LAMA5: variants seen among roughly 807,000 people sequenced by gnomAD.
The protein encoded by LAMA5 is laminin subunit alpha 5.
In LAMA5, 260 loss-of-function variants were observed where a neutral mutation model predicts 433.4. The ratio of observed to expected loss-of-function variants is 0.60; its 90% confidence interval spans 0.54 to 0.66. The LOEUF (loss-of-function observed/expected upper bound fraction) is 0.66, where lower values mean the gene tolerates loss of function less well. Among genes scored for constraint, LAMA5 ranks in the 30% least tolerant of loss-of-function variants. The pLI is 0.00. For missense variants in LAMA5, 5,378 were observed against 5,258.5 expected (o/e 1.02, Z -0.70); for synonymous variants, 2,620 against 2,226.6 (o/e 1.18, Z -4.97).
intron 32 of LAMA5, among the ~76,000 whole-genome samples, 188 bp from the exon 33 acceptor site, chr20:62,329,441 CG>C (rs1215241767): frequency 7.2e-5 from 11 of 152,182 alleles, no homozygotes; most frequent in Non-Finnish European, 1.5e-4. Context: ...CAGCAGCTTT[CG>C]GGGGCATGAG....
rs569765020 is a variant in LAMA5 at position 62,311,298 on chromosome 20, G to A, written c.9952C>T (p.Arg3318Cys). The A allele has an allele frequency of 2.7e-5, 43 of 1,582,878 alleles. No individual in the cohort carries two copies. The highest frequency in any genetic ancestry group is 1.1e-4 in the Admixed American group (6 of 53,914). The change falls in exon 73 of 80, where the codon CGC becomes TGC. Residue 3318 changes from arginine to cysteine, a missense_variant. Coordinates refer to ENST00000252999, the MANE Select transcript of LAMA5 (RefSeq NM_005560.6). ...GGATGCCGGGCGGGCTGACGGCTGC[G>A]GCGGGAGGCCTGGGGGCGTGGATGG... ...LQATARKASR[R>C]SRQPARHPAC... is the part of the protein sequence containing the mutation.
chr20:62,326,873 C>T lies in LAMA5; in HGVS notation c.5206G>A (p.Val1736Met). ...FVPMESRPDV[V>M]LQGNQMSITF... is the part of the protein sequence containing the mutation. Reference sequence around the variant, plus strand: ...CATCTCAGCTCCCTCACCTGCAGCACCACATCCGGCCTGCTCTCCATGGGG... The same window carrying T: ...CATCTCAGCTCCCTCACCTGCAGCATCACATCCGGCCTGCTCTCCATGGGG... Residue 1736 changes from valine to methionine, a missense_variant, in exon 39 of 80, where the codon GTG becomes ATG. Transcript: ENST00000252999. 2 of 1,610,966 alleles carry T rather than the reference C, an allele frequency of 1.2e-6. No individual in the cohort carries two copies. Among genetic ancestry groups the T allele is most frequent in the Non-Finnish European group, 1.7e-6 (2 of 1,178,256 alleles).
chr20:62,309,639 T>TGGGAGGGGGGTGG (rs1555864651), intron 79 of LAMA5, 77 bp downstream of exon 79: 1 of 440,234 alleles, frequency 2.3e-6, no homozygotes, highest in Admixed American at 8.1e-5. Flanking sequence ...GGTGGAGGGG[T>TGGGAGGGGGGTGG]GGGGGGAGGG....
Position 62,327,992 on chromosome 20 carries a change from A to G in LAMA5, c.4671T>C (p.Thr1557=), listed in dbSNP as rs774832488. The change falls in exon 36 of 80, where the codon ACT becomes ACC. Residue 1557 remains threonine, a synonymous_variant. Coordinates refer to ENST00000252999, the MANE Select transcript of LAMA5 (RefSeq NM_005560.6). ...GAGAGCAGGTATCACAGCGGCGCCCAGTCACGTTGGGTCTGCACCTGTGGC... is the reference window on the plus strand; with the variant it reads ...GAGAGCAGGTATCACAGCGGCGCCCGGTCACGTTGGGTCTGCACCTGTGGC... ...SGQCKCRPNV[T]GRRCDTCSPG... is the part of the protein sequence containing the mutation. 1.2e-6 allele frequency: 2 copies of G among 1,612,024 alleles called. No homozygotes were observed. The highest frequency in any genetic ancestry group is 1.7e-5 in the Admixed American group (1 of 60,006).
Position 62,331,316 on chromosome 20 carries a change from T to G in LAMA5, c.3553-187A>C, listed in dbSNP as rs1298472826. ...GGGGTGTAGGCGGTACGATGGGGGG[T>G]GCAGGCGGTACGATGGGGGGGCCGG... On this transcript the variant is annotated intron_variant, in intron 28 of 79. Coordinates refer to ENST00000252999, the MANE Select transcript of LAMA5 (RefSeq NM_005560.6). Among the ~76,000 whole-genome samples the G allele has an allele frequency of 4.9e-4, 31 of 62,862 alleles. 3 individuals are homozygous for G. The highest frequency in any genetic ancestry group is 5.8e-4 in the Non-Finnish European group (20 of 34,750). The allele number at this position is 62,862 out of a possible 152,430, so 41.2% of individuals were successfully genotyped here.
chr20:62,367,276 C>A lies in LAMA5; in HGVS notation c.-31G>T. 1.7e-6 allele frequency: 2 copies of A among 1,146,290 alleles called. No individual in the cohort carries two copies. Among genetic ancestry groups the A allele is most frequent in the South Asian group, 4.2e-5 (1 of 24,036 alleles). 71.0% of individuals were successfully genotyped at this position (1,146,290 alleles called of 1,614,324 possible). A position where few individuals can be genotyped will look rare whatever the true frequency, so the allele number is the denominator to read the frequency against. ...CGGCTCCGGGCCGCGTCCCCGAGCT[C>A]CAGGGACAGCGCGCGCGGCGGGAGC... is the stretch of plus-strand genomic sequence containing the variant. On this transcript the variant is annotated 5_prime_UTR_variant, in exon 1 of 80. Coordinates refer to ENST00000252999, the MANE Select transcript of LAMA5 (RefSeq NM_005560.6).
In LAMA5 at chr20:62,327,373, T is replaced by G; in HGVS notation, c.4972A>C (p.Thr1658Pro). The G allele has an allele frequency of 1.9e-6, 3 of 1,596,188 alleles. No homozygotes were observed. Among genetic ancestry groups the G allele is most frequent in the Non-Finnish European group, 2.6e-6 (3 of 1,170,906 alleles). ...VDMEGWVLLS[T>P]DRQVVPHERQ... ...TCGTGGGGCACCACCTGCCGGTCAGTGCTCAGCAGCACCCATCCCTCCATA... is the reference window on the plus strand; with the variant it reads ...TCGTGGGGCACCACCTGCCGGTCAGGGCTCAGCAGCACCCATCCCTCCATA... Residue 1658 changes from threonine (T) to proline (P), a missense_variant, in exon 38 of 80, where the codon ACT becomes CCT. Physicochemically the swap from Thr to Pro is conservative, Grantham distance 38. Transcript: ENST00000252999.
intron 16 of LAMA5, 163 bp from the exon 17 acceptor site, chr20:62,336,949 C>A: frequency 1.4e-6 from 1 of 725,542 alleles, no homozygotes; most frequent in Non-Finnish European, 2.5e-6. Context: ...TCCCTGCTCC[C>A]TCCGCAGCAA....
At chr20:62,312,072 G>A in intron 69 of LAMA5, 22 bp from the exon 70 acceptor site, 1 of 1,609,956 alleles carries the variant, frequency 6.2e-7, no homozygotes, top group East Asian at 2.2e-5. Flanking sequence ...AGCCAGGTCA[G>A]CCGGCCGGCC....
Position 62,313,678 on chromosome 20 carries a change from A to G in LAMA5, c.8629T>C (p.Tyr2877His). The G allele has an allele frequency of 6.2e-7, 1 of 1,612,826 alleles. No individual in the cohort carries two copies. Among genetic ancestry groups the G allele is most frequent in the Non-Finnish European group, 8.5e-7 (1 of 1,179,966 alleles). Residue 2877 changes from tyrosine to histidine, a missense_variant, in exon 63 of 80, where the codon TAC (tyrosine) becomes CAC (histidine). Transcript: ENST00000252999. ...LNLRPDDFVF[Y>H]VGGYPSTFTP... ...AAGGTACTGGGGTACCCCCCGACGTAGAAGACGAAGTCGTCTGGCCGCAGG... is the reference window on the plus strand; with the variant it reads ...AAGGTACTGGGGTACCCCCCGACGTGGAAGACGAAGTCGTCTGGCCGCAGG...
At chr20:62,315,432 G>A (rs879912621) in intron 58 of LAMA5, among the ~76,000 whole-genome samples, 7 of 152,016 alleles carry the variant, frequency 4.6e-5, no homozygotes, top group African/African-American at 1.5e-4. Flanking sequence ...GCCACAGCTG[G>A]TCCCTGGACA....
Position 62,313,149 on chromosome 20 carries a change from C to T in LAMA5, c.8894G>A (p.Arg2965His), listed in dbSNP as rs748653903. The T allele has an allele frequency of 6.2e-6, 10 of 1,605,034 alleles. No individual in the cohort carries two copies. The highest frequency in any genetic ancestry group is 3.4e-5 in the Admixed American group (2 of 59,392). Residue 2965 changes from arginine to histidine, a missense_variant, in exon 65 of 80, where the codon CGC becomes CAC. Arg to His is a conservative substitution (Grantham distance 29). Coordinates refer to ENST00000252999, the MANE Select transcript of LAMA5 (RefSeq NM_005560.6). The stretch of plus-strand genomic sequence containing the variant: ...CACGAGCCGCAGCTCCTGCTCGAAG[C>T]GCTTGGTGGTGCTGATCTGACTGTC... ...SFDSQISTTK[R>H]FEQELRLVSY...
chr20:62,345,880 G>A lies in LAMA5; in HGVS notation c.1418-3C>T, dbSNP rs746273253. The A allele has an allele frequency of 3.2e-6, 5 of 1,554,480 alleles. No individual in the cohort carries two copies. Among genetic ancestry groups the A allele is most frequent in the East Asian group, 4.8e-5 (2 of 41,294 alleles). On this transcript the variant is annotated splice_region_variant and splice_polypyrimidine_tract_variant and intron_variant, in intron 10 of 79. Coordinates refer to ENST00000252999, the MANE Select transcript of LAMA5 (RefSeq NM_005560.6). Reference sequence around the variant, plus strand: ...GTCATTGGAGGACGAGGGCGTCGCTGAGGGGAAGAGACACGCATGTTGGCC... The same window carrying A: ...GTCATTGGAGGACGAGGGCGTCGCTAAGGGGAAGAGACACGCATGTTGGCC...
Position 62,335,283 on chromosome 20 carries a change from G to A in LAMA5, c.2324-14C>T. 1.2e-6 allele frequency: 2 copies of A among 1,611,674 alleles called. No homozygotes were observed. The highest frequency in any genetic ancestry group is 1.7e-6 in the Non-Finnish European group (2 of 1,179,336). ...CGCAGCTGCAGCCTGGGGAGAGCAG[G>A]GCAGGACTCAGATGCTTGGTGGGGC... On this transcript the variant is annotated splice_polypyrimidine_tract_variant and intron_variant, in intron 18 of 79. Transcript: ENST00000252999.
intron 57 of LAMA5, 31 bp downstream of exon 57, chr20:62,316,640 C>T (rs1247670457): frequency 1.3e-6 from 2 of 1,495,796 alleles, no homozygotes; most frequent in African/African-American, 2.8e-5. Context: ...CCCAGCAGGC[C>T]TAAGGGCCCC....
rs199568504 is a variant in LAMA5 at position 62,317,784 on chromosome 20, G to C, written c.7240-6C>G. On this transcript the variant is annotated splice_polypyrimidine_tract_variant and splice_region_variant and intron_variant, in intron 53 of 79. Coordinates refer to ENST00000252999, the MANE Select transcript of LAMA5 (RefSeq NM_005560.6). The stretch of plus-strand genomic sequence containing the variant: ...GACAGCTCCTGCTTCCTTTGCTGAA[G>C]GCAATGCAGGGGAGTTGGGGACAAT... The C allele has an allele frequency of 5.7e-6, 9 of 1,576,212 alleles. No individual in the cohort carries two copies. In the African/African-American group the frequency reaches 1.2e-4, roughly 22 times the overall value.
chr20:62,332,237 C>A, intron 28 of LAMA5, 135 bp downstream of exon 28: 1 of 645,536 alleles, frequency 1.5e-6, no homozygotes. Flanking sequence ...CCAGAAGAAA[C>A]ATGCTGGGCT....
Position 62,316,015 on chromosome 20 carries a change from G to C in LAMA5, c.7800C>G (p.Val2600=), listed in dbSNP as rs1470857733. ...CCTCCAGCTGGTCCTTCTTGGCCCG[G>C]ACATCTCGGAGCTGGGTCCTGGCAC... The part of the protein sequence containing the change: ...LQGARTQLRD[V]RAKKDQLEAH... Residue 2600 remains valine, a synonymous_variant, in exon 58 of 80, where the codon GTC becomes GTG. Transcript: ENST00000252999. 1 of 1,609,678 alleles carries C rather than the reference G, an allele frequency of 6.2e-7. No individual in the cohort carries two copies. Among genetic ancestry groups the C allele is most frequent in the Non-Finnish European group, 8.5e-7 (1 of 1,179,540 alleles).
rs1981193601 is a variant in LAMA5, at chr20:62,334,630, A to G, written c.2483-9T>C. On this transcript the variant is annotated splice_polypyrimidine_tract_variant and intron_variant, in intron 20 of 79. Coordinates refer to ENST00000252999, the MANE Select transcript of LAMA5 (RefSeq NM_005560.6). ...AATGTCACACCGGCAGCCTGCAGGGAGAAGGTGGGAGGTCAGAGGCTGCCT... is the reference window on the plus strand; with the variant it reads ...AATGTCACACCGGCAGCCTGCAGGGGGAAGGTGGGAGGTCAGAGGCTGCCT... The G allele has an allele frequency of 1.9e-6, 3 of 1,543,700 alleles. No homozygotes were observed. The highest frequency in any genetic ancestry group is 2.6e-6 in the Non-Finnish European group (3 of 1,145,910).
Sources: gnomAD v4.1 joint callset for allele counts (sites outside exome capture counted in the v4.1 genomes callset) on GRCh38, gnomAD v4.1.1 for gene constraint, MANE v1.5 for transcripts, NCBI Gene and HGNC (gene_info 2026-07-23, HGNC 2026-07-21) for gene names.